The following UBR2 variants were observed in gnomAD, a reference collection of about 807,000 sequenced individuals.
UBR2 encodes the protein E3 ubiquitin-protein ligase UBR2.
In UBR2, 92 loss-of-function variants were observed where a neutral mutation model predicts 247.9. That is an observed-to-expected ratio of 0.37 (90% CI 0.31 to 0.44). The LOEUF (loss-of-function observed/expected upper bound fraction) is 0.44. Among genes scored for constraint, UBR2 ranks in the 20% least tolerant of loss-of-function variants. UBR2 has a pLI of 1.00. For synonymous variants in UBR2, 672 were observed against 693.5 expected, an observed-to-expected ratio of 0.97 and a Z score of 0.49; for missense variants, 1,613 against 2,112.6, an observed-to-expected ratio of 0.76 and a Z score of 4.64.
intron 7 of UBR2, among the ~76,000 whole-genome samples, chr6:42,607,898 G>A (rs1010676417): frequency 2.4e-4 from 37 of 152,000 alleles, no homozygotes; most frequent in African/African-American, 8.0e-4. Context: ...GATACATATT[G>A]AATGTATTAC....
At chr6:42,620,029 C>T (rs1352112718) in intron 11 of UBR2, 4 of 944,922 alleles carry the variant, frequency 4.2e-6, no homozygotes, top group Non-Finnish European at 5.0e-6. Flanking sequence ...TTTATATGTC[C>T]ATCTTATATC....
At chr6:42,644,403 G>T (rs1562350732) in intron 19 of UBR2, 67 bp downstream of exon 19, 2 of 1,605,518 alleles carry the variant, frequency 1.2e-6, no homozygotes, top group East Asian at 2.2e-5. Context: ...TTTTGGATAT[G>T]TTAATCCTCT....
intron 2 of UBR2, among the ~76,000 whole-genome samples, chr6:42,582,277 C>G (rs1047162853): frequency 9.4e-6 from 1 of 106,134 alleles, no homozygotes; most frequent in Non-Finnish European, 1.9e-5. Context: ...GGCGAGACTC[C>G]GTCTCAAAAA....
At chr6:42,605,684 C>A (rs757857084) in intron 5 of UBR2, 37 bp from the exon 6 acceptor site, 2 of 1,575,672 alleles carry the variant, frequency 1.3e-6, no homozygotes, top group East Asian at 4.5e-5. Context: ...AGATAATAAA[C>A]AAATAGATAA....
At chr6:42,651,478 C>G (rs1193762926) in intron 23 of UBR2, among the ~76,000 whole-genome samples, 1 of 151,692 alleles carries the variant, frequency 6.6e-6, no homozygotes, top group East Asian at 1.9e-4. Context: ...AGGACTAGAA[C>G]TTAAAGATAG....
rs1472783090 is a variant in UBR2, at chr6:42,659,516, T to TACAC, written c.3243-139_3243-138insCACA. On this transcript the variant is annotated intron_variant, in intron 29 of 46. Transcript: ENST00000372901. The surrounding 1 kb of genome is among the most constrained non-coding windows in gnomAD (Gnocchi z 4.3). ...CTCTGTCTCAAAAAATAAATAAATA[T>TACAC]ATATACACACACACACACACACACA... is the stretch of plus-strand genomic sequence containing the variant. The TACAC allele has an allele frequency of 3.9e-6, 2 of 509,948 alleles. No homozygotes were observed. The highest frequency in any genetic ancestry group is 6.0e-6 in the Non-Finnish European group (2 of 334,968). 31.6% of individuals were successfully genotyped at this position (509,948 alleles called of 1,614,324 possible).
At chr6:42,611,038 G>A (rs1214496153) in intron 7 of UBR2, among the ~76,000 whole-genome samples, 2 of 150,648 alleles carry the variant, frequency 1.3e-5, no homozygotes, top group African/African-American at 4.9e-5. Context: ...TAGAGACGGG[G>A]TTTCACCATG....
rs546133447 is a variant in UBR2 at position 42,576,556 on chromosome 6, G to C, written c.338+2563G>C. Among the ~76,000 whole-genome samples the C allele has an allele frequency of 7.8e-5, 10 of 127,396 alleles. No individual in the cohort carries two copies. In the Admixed American group the frequency reaches 7.9e-4, roughly 10 times the overall value. 83.6% of individuals were successfully genotyped at this position (127,396 alleles called of 152,430 possible). A position where few individuals can be genotyped will look rare whatever the true frequency, so the allele number is the denominator to read the frequency against. On this transcript the variant is annotated intron_variant, in intron 2 of 46. Transcript: ENST00000372901. ...TTTTTTTTTTTTTTTTTGAGATGGA[G>C]TCTCACCCCGTAGCCCAGGCTGGAT...
Position 42,693,445 on chromosome 6 carries a change from G to A in UBR2, c.*2272G>A, listed in dbSNP as rs1314166330. ...ATCTGTGGACAACTTGTAAAATTTG[G>A]AATGTATCATATGTAAAAAGTTTAA... On this transcript the variant is annotated 3_prime_UTR_variant, in exon 47 of 47. Transcript: ENST00000372901. The A allele has an allele frequency of 6.6e-6, 1 of 152,116 alleles. No individual in the cohort carries two copies. Among genetic ancestry groups the A allele is most frequent in the Non-Finnish European group, 1.5e-5 (1 of 68,006 alleles). The allele number at this position is 152,116 out of a possible 1,614,324, so 9.4% of individuals were successfully genotyped here.
intron 1 of UBR2, among the ~76,000 whole-genome samples, chr6:42,569,917 A>G (rs1259117767): frequency 6.6e-6 from 1 of 152,250 alleles, no homozygotes; most frequent in Non-Finnish European, 1.5e-5. Flanking sequence ...AGGGACTTGT[A>G]GTAAGATAGT....
chr6:42,654,014 C>T (rs774495188), intron 25 of UBR2, among the ~76,000 whole-genome samples: 4 of 152,088 alleles, frequency 2.6e-5, no homozygotes, highest in Admixed American at 6.6e-5. Context: ...GGCTCAGAGG[C>T]GTTCCCTTAG....
chr6:42,622,831 G>A (rs1795080642), intron 11 of UBR2, among the ~76,000 whole-genome samples: 1 of 141,348 alleles, frequency 7.1e-6, no homozygotes, highest in Non-Finnish European at 1.5e-5. Flanking sequence ...TTATTCTAAT[G>A]GTTTATAGAT....
intron 4 of UBR2, among the ~76,000 whole-genome samples, chr6:42,595,643 G>A (rs965977591): frequency 2.0e-5 from 3 of 151,826 alleles, no homozygotes; most frequent in South Asian, 2.1e-4. Flanking sequence ...CACTTGGGTT[G>A]GGGGTGCTGA....
At chr6:42,603,428 A>C (rs1184160711) in intron 4 of UBR2, among the ~76,000 whole-genome samples, 160 bp from the exon 5 acceptor site, 3 of 152,232 alleles carry the variant, frequency 2.0e-5, no homozygotes, top group Non-Finnish European at 4.4e-5. Flanking sequence ...TTTATTTGGT[A>C]GGGTGGTAAT....
chr6:42,627,522 G>A (rs1214529449), intron 11 of UBR2, among the ~76,000 whole-genome samples: 2 of 152,022 alleles, frequency 1.3e-5, no homozygotes, highest in African/African-American at 4.8e-5. Flanking sequence ...TTTTGAGTCA[G>A]GGTCTCGCTC....
At chr6:42,646,844 T>G (rs190049066) in intron 21 of UBR2, among the ~76,000 whole-genome samples, 9,511 of 148,456 alleles carry the variant, frequency 0.064, 394 homozygotes, top group Non-Finnish European at 0.093. Context: ...GAGAGAGAGA[T>G]AGAGTCTGGC....
chr6:42,601,254 A>G (rs568824284), intron 4 of UBR2, among the ~76,000 whole-genome samples: 15 of 152,272 alleles, frequency 9.9e-5, no homozygotes, highest in Admixed American at 2.6e-4. Context: ...TGAGGTTCAT[A>G]TTATTATTAA....
In UBR2 at chr6:42,685,923, G is replaced by C. The variant is rs182783383; in HGVS notation, c.4853+1052G>C. Among the ~76,000 whole-genome samples the C allele has an allele frequency of 1.2e-3, 184 of 151,806 alleles. 1 individual carries two copies. The highest frequency in any genetic ancestry group is 4.3e-3 in the Admixed American group (66 of 15,244). On this transcript the variant is annotated intron_variant, in intron 44 of 46. Transcript: ENST00000372901. The stretch of plus-strand genomic sequence containing the variant: ...AATGTAAGAGCTTAAACATTACCTA[G>C]ACAGTTGAAGCTCCCCAGCTGTCTC...
At chr6:42,685,068 C>T (rs935320922) in intron 44 of UBR2, among the ~76,000 whole-genome samples, 197 bp downstream of exon 44, 2 of 152,078 alleles carry the variant, frequency 1.3e-5, no homozygotes, top group African/African-American at 4.8e-5. Context: ...AATCCCAGCA[C>T]TTTGGGAGGC....
Sources: allele counts gnomAD v4.1 joint callset (sites outside exome capture counted in the v4.1 genomes callset), GRCh38; gene constraint gnomAD v4.1.1; non-coding constraint Gnocchi (gnomAD v3.1); transcripts MANE v1.5; gene names NCBI Gene and HGNC (gene_info 2026-07-23, HGNC 2026-07-21).